The following PRKG1 variants were observed in gnomAD, a reference collection of about 807,000 sequenced individuals.
PRKG1 encodes the protein protein kinase cGMP-dependent 1.
PRKG1 carries 35 observed loss-of-function variants against 88.1 expected under a neutral mutation model. That is an observed-to-expected ratio of 0.40 (90% confidence interval 0.30 to 0.53). The LOEUF is 0.53. PRKG1 is among the 20% of genes least tolerant of loss of function. The pLI is 0.59. For synonymous variants in PRKG1, 303 were observed against 292.5 expected (o/e 1.04, Z -0.37); for missense variants, 540 against 839.8 (o/e 0.64, Z 4.41).
At chr10:51,174,748 A>G (rs911190203) in intron 2 of PRKG1, among the ~76,000 whole-genome samples, 1 of 152,022 alleles carries the variant, frequency 6.6e-6, no homozygotes, top group Admixed American at 6.6e-5. Context: ...CACTTTATTT[A>G]TGATCCATTA....
intron 4 of PRKG1, among the ~76,000 whole-genome samples, chr10:51,821,013 A>G (rs1044583741): frequency 6.6e-6 from 1 of 152,152 alleles, no homozygotes; most frequent in African/African-American, 2.4e-5. Context: ...CTTGTAGTTA[A>G]TCTCCTCTGC....
intron 7 of PRKG1, among the ~76,000 whole-genome samples, chr10:52,118,582 T>C (rs894765996): frequency 6.6e-6 from 1 of 152,098 alleles, no homozygotes; most frequent in African/African-American, 2.4e-5. Flanking sequence ...ATATGTTTAA[T>C]AATTCAAATG....
intron 5 of PRKG1, among the ~76,000 whole-genome samples, chr10:52,023,091 G>C (rs1054887877): frequency 6.6e-6 from 1 of 152,032 alleles, no homozygotes; most frequent in African/African-American, 2.4e-5. Context: ...GACAGGTCCT[G>C]GTGTGTGATG....
chr10:52,041,241 G>A (rs1845749620), intron 5 of PRKG1, among the ~76,000 whole-genome samples: 1 of 152,114 alleles, frequency 6.6e-6, no homozygotes, highest in Non-Finnish European at 1.5e-5. Context: ...TGATCACATG[G>A]TTTTTATCCT....
At chr10:52,066,835 C>T (rs561972510) in intron 7 of PRKG1, among the ~76,000 whole-genome samples, 22 of 152,284 alleles carry the variant, frequency 1.4e-4, no homozygotes, top group African/African-American at 4.3e-4. Flanking sequence ...AACTCTTTGG[C>T]GTGTGGATGC....
At chr10:52,057,421 C>G (rs1418758339) in intron 6 of PRKG1, among the ~76,000 whole-genome samples, 1 of 152,196 alleles carries the variant, frequency 6.6e-6, no homozygotes, top group Admixed American at 6.5e-5. Flanking sequence ...TTCAATCACT[C>G]CGTTCCAGTT....
chr10:52,127,372 G>T (rs1847954362), intron 7 of PRKG1, among the ~76,000 whole-genome samples: 1 of 152,106 alleles, frequency 6.6e-6, no homozygotes, highest in Admixed American at 6.6e-5. Context: ...AGAGGTAAAA[G>T]TTAGAAATGA....
chr10:51,789,770 C>T (rs1416321109), intron 3 of PRKG1, among the ~76,000 whole-genome samples: 9 of 152,024 alleles, frequency 5.9e-5, no homozygotes, highest in Admixed American at 5.2e-4. Flanking sequence ...TAATTCTGTG[C>T]TTCTGTATGC....
chr10:51,149,435 T>C (rs890753058), intron 1 of PRKG1, among the ~76,000 whole-genome samples: 8 of 152,162 alleles, frequency 5.3e-5, no homozygotes, highest in African/African-American at 1.9e-4. Flanking sequence ...TTACCTAAGA[T>C]TGTGTAGAAA....
intron 4 of PRKG1, among the ~76,000 whole-genome samples, chr10:51,858,285 A>AC (rs1295338913): frequency 6.1e-5 from 1 of 16,350 alleles, no homozygotes; most frequent in Admixed American, 7.8e-4. Context: ...ACATATGTAT[A>AC]ATTATACATA....
chr10:51,916,306 G>A (rs1842337955), intron 5 of PRKG1, among the ~76,000 whole-genome samples: 1 of 152,166 alleles, frequency 6.6e-6, no homozygotes. Flanking sequence ...GGTGACAAGA[G>A]TGACCTCTGG....
intron 7 of PRKG1, among the ~76,000 whole-genome samples, chr10:52,065,567 T>G (rs1283634431): frequency 6.6e-6 from 1 of 152,124 alleles, no homozygotes; most frequent in Non-Finnish European, 1.5e-5. Context: ...TAAATCATCT[T>G]ACTCAGGCTA....
chr10:52,122,412 C>T lies in PRKG1; in HGVS notation c.936-11428C>T, dbSNP rs73342967. ...TACGTTCAAACCATAACACACCTATCGAATAATTATTCTATTTATATCTTC... is the reference window on the plus strand; with the variant it reads ...TACGTTCAAACCATAACACACCTATTGAATAATTATTCTATTTATATCTTC... On this transcript the variant is annotated intron_variant, in intron 7 of 17. Coordinates refer to ENST00000373980, the MANE Select transcript of PRKG1 (RefSeq NM_006258.4). 9.6e-3 allele frequency among the ~76,000 whole-genome samples: 1,465 copies of T among 152,244 alleles called. 30 individuals carry two copies. The highest frequency in any genetic ancestry group is 0.034 in the African/African-American group (1,402 of 41,544).
chr10:51,745,434 A>G (rs1215335003), intron 3 of PRKG1, among the ~76,000 whole-genome samples: 2 of 152,268 alleles, frequency 1.3e-5, no homozygotes, highest in East Asian at 1.9e-4. Context: ...CAATATTCCA[A>G]TTAGTACACT....
At chr10:51,800,853 T>C (rs1457803709) in intron 3 of PRKG1, among the ~76,000 whole-genome samples, 2 of 152,018 alleles carry the variant, frequency 1.3e-5, no homozygotes, top group African/African-American at 2.4e-5. Context: ...ACCCCCATGA[T>C]GTTATCTAAA....
chr10:51,677,919 C>T (rs1044016900), intron 3 of PRKG1, among the ~76,000 whole-genome samples: 2 of 152,260 alleles, frequency 1.3e-5, no homozygotes. Flanking sequence ...TCATGGTCAA[C>T]CTCTTGGATA....
intron 3 of PRKG1, among the ~76,000 whole-genome samples, chr10:51,798,841 G>A (rs982004140): frequency 5.9e-5 from 9 of 152,116 alleles, no homozygotes; most frequent in African/African-American, 1.9e-4. Context: ...TTAAAATGGG[G>A]TAATTTTGCT....
rs1345108513 is a variant in PRKG1 at position 52,245,785 on chromosome 10, ATTTATTTATTTATTTATTTG to A, written c.1077-5782_1077-5763del. Among the ~76,000 whole-genome samples, 5 of 145,874 alleles carry A rather than the reference ATTTATTTATTTATTTATTTG, an allele frequency of 3.4e-5. No homozygotes were observed. In the South Asian group the frequency reaches 6.3e-4, roughly 18 times the overall value. ...TATTTATTTATTTATTTATTTATTT[ATTTATTTATTTATTTATTTG>A]TTGGAGGCACTTAGAGTAGACTTCT... On this transcript the variant is annotated intron_variant, in intron 9 of 17. Transcript: ENST00000373980.
chr10:51,729,706 CAAAAAAAAAAAAAAAAA>C (rs34900286), intron 3 of PRKG1, among the ~76,000 whole-genome samples: 2 of 28,782 alleles, frequency 6.9e-5, no homozygotes, highest in Non-Finnish European at 1.2e-4. Context: ...GACTCCATCT[CAAAAAAAAAAAAAAAAA>C]AAAAAAAAAA....
Sources: allele counts gnomAD v4.1 joint callset (sites outside exome capture counted in the v4.1 genomes callset), GRCh38; gene constraint gnomAD v4.1.1; transcripts MANE v1.5; gene names NCBI Gene and HGNC (gene_info 2026-07-23, HGNC 2026-07-21).